SH2D4B: variants seen among roughly 807,000 people sequenced by gnomAD.
The protein encoded by SH2D4B is SH2 domain containing 4B.
In SH2D4B, 45 loss-of-function variants were observed where a neutral mutation model predicts 61.5. The ratio of observed to expected loss-of-function variants is 0.73; its 90% CI spans 0.58 to 0.94. The LOEUF is 0.94. Among genes scored for constraint, SH2D4B ranks in the 40% least tolerant of loss-of-function variants. The pLI is 0.00. For synonymous variants in SH2D4B, 224 were observed against 220.4 expected, an observed-to-expected ratio of 1.02 and a Z score of -0.14; for missense variants, 572 against 574.2, an observed-to-expected ratio of 1.00 and a Z score of 0.04.
At chr10:80,632,191 G>T (rs1842840721) in intron 6 of SH2D4B, among the ~76,000 whole-genome samples, 1 of 151,952 alleles carries the variant, frequency 6.6e-6, no homozygotes, top group Admixed American at 6.6e-5. Context: ...ACTGGGCTCA[G>T]GTGATCCTCC....
Position 80,634,468 on chromosome 10 carries a change from G to T in SH2D4B, c.1172G>T (p.Arg391Leu). ...FYSFLGVDPN[R>L]HATLTDLVDF... ...AGCTTCCTGGGAGTGGACCCCAATC[G>T]CCATGCAACGCTCACGGATCTCGTT... The change falls in exon 7 of 8, where the codon CGC (arginine) becomes CTC (leucine). Residue 391 changes from arginine (R) to leucine (L), a missense_variant. Coordinates refer to ENST00000646907, the MANE Select transcript of SH2D4B (RefSeq NM_001388272.1). 1 of 1,550,404 alleles carries T rather than the reference G, an allele frequency of 6.4e-7. No individual in the cohort carries two copies.
intron 3 of SH2D4B, among the ~76,000 whole-genome samples, chr10:80,585,701 G>A (rs1842237388): frequency 6.6e-6 from 1 of 152,162 alleles, no homozygotes; most frequent in Admixed American, 6.5e-5. Context: ...TTTCTGAGAG[G>A]TGACAGCGTG....
chr10:80,637,247 C>A (rs1452886786), intron 7 of SH2D4B, among the ~76,000 whole-genome samples: 1 of 152,116 alleles, frequency 6.6e-6, no homozygotes, highest in Non-Finnish European at 1.5e-5. Flanking sequence ...TGTTCTTTTG[C>A]TTAGGATTGT....
intron 6 of SH2D4B, among the ~76,000 whole-genome samples, chr10:80,619,049 A>C (rs1842688272): frequency 6.6e-6 from 1 of 152,138 alleles, no homozygotes; most frequent in African/African-American, 2.4e-5. Context: ...GTGAACATGA[A>C]GTTGTTGGTG....
intron 1 of SH2D4B, among the ~76,000 whole-genome samples, chr10:80,544,054 C>T (rs535677768): frequency 6.6e-6 from 1 of 152,244 alleles, no homozygotes; most frequent in East Asian, 1.9e-4. Context: ...TGACAACCCA[C>T]TCCTGTCCCC....
At chr10:80,566,656 G>T (rs983268056) in intron 1 of SH2D4B, among the ~76,000 whole-genome samples, 1 of 152,102 alleles carries the variant, frequency 6.6e-6, no homozygotes, top group Non-Finnish European at 1.5e-5. Flanking sequence ...TAAAAGAGGG[G>T]GGATCTCTGC....
intron 6 of SH2D4B, among the ~76,000 whole-genome samples, chr10:80,612,008 A>G (rs1052826725): frequency 6.6e-6 from 1 of 152,078 alleles, no homozygotes; most frequent in African/African-American, 2.4e-5. Flanking sequence ...TGGCCAAGTA[A>G]CTTTGCTTAG....
chr10:80,641,162 G>A (rs11186409), intron 7 of SH2D4B, among the ~76,000 whole-genome samples: 26,570 of 152,164 alleles, frequency 0.17, 2,818 homozygotes, highest in Admixed American at 0.28. Flanking sequence ...CCTTCCTCTC[G>A]AAGTTTCATC....
intron 7 of SH2D4B, among the ~76,000 whole-genome samples, chr10:80,640,703 A>G (rs1840276288): frequency 6.6e-6 from 1 of 152,062 alleles, no homozygotes; most frequent in East Asian, 1.9e-4. Flanking sequence ...TCTTTTTTCA[A>G]GGTTTTTAGC....
Position 80,643,974 on chromosome 10 carries a change from C to T in SH2D4B, c.1210-19C>T, listed in dbSNP as rs115830060. ...CCTGTCTTGATTATAAGTGGATTTT[C>T]CTTTTTTTTCTGTTTTAGGAGGAAA... On this transcript the variant is annotated intron_variant, in intron 7 of 7. Coordinates refer to ENST00000646907, the MANE Select transcript of SH2D4B (RefSeq NM_001388272.1). 7.5e-4 allele frequency: 1,204 copies of T among 1,605,048 alleles called. 7 individuals carry two copies. In the African/African-American group the frequency reaches 0.014, roughly 19 times the overall value.
At chr10:80,554,926 G>A (rs964550521) in intron 1 of SH2D4B, among the ~76,000 whole-genome samples, 2 of 147,812 alleles carry the variant, frequency 1.4e-5, no homozygotes, top group Admixed American at 1.4e-4. Flanking sequence ...GGAGAATGGC[G>A]TGAACCCAGG....
intron 6 of SH2D4B, 49 bp from the exon 7 acceptor site, chr10:80,634,236 C>T: frequency 6.1e-6 from 9 of 1,473,640 alleles, no homozygotes; most frequent in East Asian, 5.0e-5. Flanking sequence ...GTGGGGGAGG[C>T]AGTCGCAGAA....
At chr10:80,617,400 C>T (rs930585483) in intron 6 of SH2D4B, among the ~76,000 whole-genome samples, 1 of 152,160 alleles carries the variant, frequency 6.6e-6, no homozygotes, top group African/African-American at 2.4e-5. Flanking sequence ...TCTGCAAAGT[C>T]CTTAATGCAA....
intron 7 of SH2D4B, 33 bp downstream of exon 7, chr10:80,634,538 G>T: frequency 6.5e-7 from 1 of 1,533,774 alleles, no homozygotes; most frequent in South Asian, 1.2e-5. Flanking sequence ...TGGGGGGGAG[G>T]GGGAACTGGT....
intron 6 of SH2D4B, among the ~76,000 whole-genome samples, chr10:80,625,573 C>CTTTTTTTTTTTTTTTTTTTTTTT: frequency 7.3e-6 from 1 of 136,624 alleles, no homozygotes. Context: ...TTTTCTTTTT[C>CTTTTTTTTTTTTTTTTTTTTTTT]TTTTTTTTTC....
At chr10:80,548,511 A>G (rs1350694578) in intron 1 of SH2D4B, among the ~76,000 whole-genome samples, 2 of 152,204 alleles carry the variant, frequency 1.3e-5, no homozygotes, top group Admixed American at 6.5e-5. Context: ...CAAAATGCCT[A>G]TGGCATGGTG....
Position 80,586,934 on chromosome 10 carries a change from C to T in SH2D4B, c.496-1696C>T, listed in dbSNP as rs192810909. ...ACTGCCTTAAGAGCTGTAACACTCACCGCGGAGGTCCGCAGCTTCACTCCT... is the reference window on the plus strand; with the variant it reads ...ACTGCCTTAAGAGCTGTAACACTCATCGCGGAGGTCCGCAGCTTCACTCCT... On this transcript the variant is annotated intron_variant, in intron 3 of 7. Transcript: ENST00000646907. 1.8e-3 allele frequency among the ~76,000 whole-genome samples: 261 copies of T among 148,368 alleles called. 2 individuals are homozygous for T. The highest frequency in any genetic ancestry group is 6.4e-3 in the African/African-American group (250 of 38,998).
Position 80,609,510 on chromosome 10 carries a change from G to T in SH2D4B, c.947G>T (p.Gly316Val). ...FKEEQLPRRA[G>V]FERNTKFIAP... ...GAGGAGCAGCTGCCTCGCCGAGCTG[G>T]CTTCGAGAGGAACACCAAGTTCATC... Residue 316 changes from glycine to valine, a missense_variant, in exon 6 of 8, where the codon GGC becomes GTC. Coordinates refer to ENST00000646907, the MANE Select transcript of SH2D4B (RefSeq NM_001388272.1). The T allele has an allele frequency of 6.2e-7, 1 of 1,614,234 alleles. No homozygotes were observed.
At chr10:80,603,221 T>C (rs962007232) in intron 4 of SH2D4B, among the ~76,000 whole-genome samples, 1 of 151,546 alleles carries the variant, frequency 6.6e-6, no homozygotes, top group African/African-American at 2.4e-5. Context: ...CAGGAAGAAA[T>C]AGATAGGGAG....
Sources: gnomAD v4.1 joint callset for allele counts (sites outside exome capture counted in the v4.1 genomes callset) on GRCh38, gnomAD v4.1.1 for gene constraint, MANE v1.5 for transcripts, NCBI Gene and HGNC (gene_info 2026-07-23, HGNC 2026-07-21) for gene names.